LRRC9: variants seen among roughly 807,000 people sequenced by gnomAD.
LRRC9 encodes the protein leucine rich repeat containing 9.
LRRC9 carries 122 observed loss-of-function variants against 63.2 expected under a neutral mutation model. The ratio of observed to expected loss-of-function variants is 1.93; its 90% confidence interval spans 1.67 to 2.24. The LOEUF (loss-of-function observed/expected upper bound fraction) is 2.24. LRRC9 is among the 30% of genes most tolerant of loss of function. The probability of loss-of-function intolerance (pLI) is 0.00; values close to 1 mark genes in which losing one functional copy is unlikely to be tolerated. For missense variants in LRRC9, 1,071 were observed against 627.7 expected, an observed-to-expected ratio of 1.71 and a Z score of -7.55; for synonymous variants, 366 against 213.1, an observed-to-expected ratio of 1.72 and a Z score of -6.25.
chr14:60,054,609 G>T (rs1181559162), intron 30 of LRRC9, among the ~76,000 whole-genome samples: 1 of 151,870 alleles, frequency 6.6e-6, no homozygotes, highest in Non-Finnish European at 1.5e-5. Flanking sequence ...GCAAAATAAG[G>T]GTATCATGTC....
At chr14:60,063,601 T>G, downstream of LRRC9, 1 of 426,522 alleles carries the variant, frequency 2.3e-6, no homozygotes, top group Non-Finnish European at 4.2e-6. Context: ...TTCTATATCA[T>G]AAAAATCATC....
rs1418800457 is a variant in LRRC9, at chr14:60,014,059, G to T, written c.3187-2601G>T. Among the ~76,000 whole-genome samples, 10 of 151,596 alleles carry T rather than the reference G, an allele frequency of 6.6e-5. No homozygotes were observed. The East Asian group carries it at 7.7e-4, about 12-fold the overall frequency. Reference sequence around the variant, plus strand: ...AATTCTATTTTTATTTATCCATAGTGTTTTTTAGTGTATCTCTTCATATAG... The same window carrying T: ...AATTCTATTTTTATTTATCCATAGTTTTTTTTAGTGTATCTCTTCATATAG... On this transcript the variant is annotated intron_variant, in intron 23 of 31. Coordinates refer to ENST00000445360, the Ensembl canonical transcript of LRRC9.
intron 3 of LRRC9, among the ~76,000 whole-genome samples, chr14:59,929,457 G>A (rs1173224468): frequency 6.6e-6 from 1 of 151,736 alleles, no homozygotes; most frequent in Non-Finnish European, 1.5e-5. Flanking sequence ...GGAGAAAAAG[G>A]AATGTTTATA....
intron 26 of LRRC9, among the ~76,000 whole-genome samples, chr14:60,022,431 G>A (rs1891185441): frequency 6.6e-6 from 1 of 151,582 alleles, no homozygotes; most frequent in African/African-American, 2.4e-5. Context: ...CATGTCATCT[G>A]AAAATAAAGA....
rs900531612 is a variant in LRRC9 at position 59,962,545 on chromosome 14, A to C, written c.1211+1500A>C. ...CAGACTCCCGAGTAGCTAAGATTAT[A>C]GGTGCATGCCACCACACCCACTAAT... On this transcript the variant is annotated intron_variant, in intron 10 of 31. Transcript: ENST00000445360. This position sits in a 1 kb window ranked among gnomAD's most constrained non-coding sequence, Gnocchi z 5.1. Among the ~76,000 whole-genome samples the C allele has an allele frequency of 6.6e-6, 1 of 152,012 alleles. No homozygotes were observed. Among genetic ancestry groups the C allele is most frequent in the East Asian group, 1.9e-4 (1 of 5,166 alleles).
intron 8 of LRRC9, among the ~76,000 whole-genome samples, chr14:59,956,627 G>T (rs1300790024): frequency 3.3e-5 from 5 of 152,142 alleles, no homozygotes; most frequent in Non-Finnish European, 7.4e-5. Flanking sequence ...GGGGCATTTA[G>T]CCCATTTACA....
At chr14:59,995,631 T>C (rs1031892553) in intron 17 of LRRC9, among the ~76,000 whole-genome samples, 1 of 152,100 alleles carries the variant, frequency 6.6e-6, no homozygotes, top group Non-Finnish European at 1.5e-5. Flanking sequence ...TACTGTTTCA[T>C]GACTATTTAA....
chr14:59,963,791 TTC>T (rs1274239242), intron 10 of LRRC9, among the ~76,000 whole-genome samples: 2 of 152,186 alleles, frequency 1.3e-5, no homozygotes, highest in Admixed American at 6.5e-5. Flanking sequence ...AGCAGAAACT[TTC>T]TGTTTTACAG....
At chr14:59,957,819 G>T (rs1883926176) in intron 8 of LRRC9, among the ~76,000 whole-genome samples, 1 of 152,010 alleles carries the variant, frequency 6.6e-6, no homozygotes, top group African/African-American at 2.4e-5. Flanking sequence ...GTTTTGTGTG[G>T]GGGTCCTTTA....
chr14:59,958,809 A>T lies in LRRC9; in HGVS notation c.883-1009A>T, dbSNP rs1252632144. Reference sequence around the variant, plus strand: ...AGATTGCAAAAACGGTGGGAAAAGCATAGTAACCCGGCTGGGTAGCACAGT... The same window carrying T: ...AGATTGCAAAAACGGTGGGAAAAGCTTAGTAACCCGGCTGGGTAGCACAGT... On this transcript the variant is annotated intron_variant, in intron 8 of 31. Transcript: ENST00000445360. This position sits in a 1 kb window ranked among gnomAD's most constrained non-coding sequence, Gnocchi z 4.0. Among the ~76,000 whole-genome samples, 1 of 152,226 alleles carries T rather than the reference A, an allele frequency of 6.6e-6. No individual in the cohort carries two copies. Among genetic ancestry groups the T allele is most frequent in the Non-Finnish European group, 1.5e-5 (1 of 68,030 alleles).
At chr14:60,030,307 GTGTGA>G (rs1220240477) in intron 28 of LRRC9, 1 of 152,006 alleles carries the variant, frequency 6.6e-6, no homozygotes, top group Non-Finnish European at 1.5e-5. Context: ...CTTGATTCTG[GTGTGA>G]TGTTTTTTAC....
At chr14:60,008,673 G>T (rs1013727334) in intron 23 of LRRC9, among the ~76,000 whole-genome samples, 1 of 152,086 alleles carries the variant, frequency 6.6e-6, no homozygotes, top group Non-Finnish European at 1.5e-5. Flanking sequence ...ACAGACCCTA[G>T]GACTGAATGT....
At chr14:59,999,589 T>C (rs1889150189) in intron 19 of LRRC9, among the ~76,000 whole-genome samples, 1 of 152,022 alleles carries the variant, frequency 6.6e-6, no homozygotes, top group Non-Finnish European at 1.5e-5. Flanking sequence ...GAATTATCTA[T>C]CTACTTAATA....
In LRRC9 at chr14:60,000,068, T is replaced by C. The variant is rs966258197; in HGVS notation, c.2529+842T>C. 1.1e-4 allele frequency among the ~76,000 whole-genome samples: 16 copies of C among 152,008 alleles called. 1 individual carries two copies. The highest frequency in any genetic ancestry group is 6.6e-4 in the Admixed American group (10 of 15,248). On this transcript the variant is annotated intron_variant, in intron 19 of 31. Transcript: ENST00000445360. ...AGGTGCCCATCAGTGGTGGACTGGA[T>C]AAAGAAAACATGGTAAATATACACC...
At chr14:60,016,043 T>C (rs149912562) in intron 23 of LRRC9, among the ~76,000 whole-genome samples, 14 of 152,132 alleles carry the variant, frequency 9.2e-5, no homozygotes, top group Admixed American at 2.0e-4. Context: ...GTCTTGTTAT[T>C]TCCTTACTGT....
chr14:60,064,432 G>T (rs1162261131), downstream of LRRC9, among the ~76,000 whole-genome samples: 1 of 152,076 alleles, frequency 6.6e-6, no homozygotes, highest in Non-Finnish European at 1.5e-5. Context: ...AAAATATGTA[G>T]ACTTTATAAT....
At position 60,048,582 on chromosome 14, in the gene LRRC9, T is replaced by G. The variant is rs568953054; in HGVS notation, c.3991-4483T>G. Among the ~76,000 whole-genome samples the G allele has an allele frequency of 2.6e-4, 40 of 152,128 alleles. No homozygotes were observed. In the South Asian group the frequency reaches 7.3e-3, roughly 28 times the overall value. Reference sequence around the variant, plus strand: ...CTGGATAGGTACACCCTCCCAAGACTGAACTAGGAAGAAATTGAATCCCTG... The same window carrying G: ...CTGGATAGGTACACCCTCCCAAGACGGAACTAGGAAGAAATTGAATCCCTG... On this transcript the variant is annotated intron_variant, in intron 29 of 31. Coordinates refer to ENST00000445360, the Ensembl canonical transcript of LRRC9.
At chr14:59,925,652 CT>C (rs1393594842) in intron 1 of LRRC9, among the ~76,000 whole-genome samples, 1 of 152,164 alleles carries the variant, frequency 6.6e-6, no homozygotes, top group Non-Finnish European at 1.5e-5. Flanking sequence ...CAAATACAGA[CT>C]GTGTGCAATT....
intron 27 of LRRC9, among the ~76,000 whole-genome samples, chr14:60,023,207 C>T (rs1279211833): frequency 6.6e-6 from 1 of 151,852 alleles, no homozygotes; most frequent in Non-Finnish European, 1.5e-5. Flanking sequence ...TATGGAAGTA[C>T]TATGTTATTA....
Sources: gnomAD v4.1 joint callset for allele counts (sites outside exome capture counted in the v4.1 genomes callset) on GRCh38, gnomAD v4.1.1 for gene constraint, Gnocchi (gnomAD v3.1) non-coding constraint, MANE v1.5 for transcripts, NCBI Gene and HGNC (gene_info 2026-07-23, HGNC 2026-07-21) for gene names.